CDH23: variants seen among roughly 807,000 people sequenced by gnomAD.
CDH23 encodes cadherin related 23.
A neutral mutation model predicts 317.1 loss-of-function variants in CDH23; 189 were observed. That is an observed-to-expected ratio of 0.60 (90% CI 0.53 to 0.67). CDH23 has a LOEUF of 0.67. CDH23 is among the 30% of genes least tolerant of loss of function. The probability of loss-of-function intolerance (pLI) is 0.00; values close to 1 mark genes in which losing one functional copy is unlikely to be tolerated. For missense variants in CDH23, 4,401 were observed against 4,592.4 expected, an observed-to-expected ratio of 0.96 and a Z score of 1.20; for synonymous variants, 1,839 against 1,876.8, an observed-to-expected ratio of 0.98 and a Z score of 0.52.
At chr10:71,662,107 C>A (rs534750565) in intron 14 of CDH23, among the ~76,000 whole-genome samples, 1 of 151,780 alleles carries the variant, frequency 6.6e-6, no homozygotes, top group African/African-American at 2.4e-5. Context: ...TAATTTCTTC[C>A]GGCAGCCTGG....
rs111033494 is a variant in CDH23 at position 71,793,524 on chromosome 10, T to A, written c.6596T>A (p.Ile2199Asn). The change falls in exon 48 of 70, where the codon ATT becomes AAT. Residue 2199 changes from isoleucine (I) to asparagine (N), a missense_variant. Transcript: ENST00000224721. ...PGTVIANITA[I>N]DHDLNPKLEY... ...ACTGTCATTGCCAATATCACGGCCATTGACCACGACCTCAACCCAAAGCTA... is the reference window on the plus strand; with the variant it reads ...ACTGTCATTGCCAATATCACGGCCAATGACCACGACCTCAACCCAAAGCTA... 988 of 1,613,894 alleles carry A rather than the reference T, an allele frequency of 6.1e-4. 2 individuals are homozygous for A. In the African/African-American group the frequency reaches 0.012, roughly 19 times the overall value.
chr10:71,532,045 G>C (rs1405788505), intron 6 of CDH23, among the ~76,000 whole-genome samples: 1 of 152,154 alleles, frequency 6.6e-6, no homozygotes, highest in Non-Finnish European at 1.5e-5. Context: ...CCCTCAGAGA[G>C]ACCCCAGAGC....
chr10:71,712,543 C>A, intron 27 of CDH23, 122 bp from the exon 28 acceptor site: 1 of 1,104,376 alleles, frequency 9.1e-7, no homozygotes, highest in Non-Finnish European at 1.3e-6. Context: ...CTTGCAAAGG[C>A]TAGGGCAGAT....
chr10:71,667,359 A>AGAGAGTGTGTGT (rs58361666), intron 14 of CDH23, among the ~76,000 whole-genome samples: 2 of 112,080 alleles, frequency 1.8e-5, no homozygotes, highest in Non-Finnish European at 3.5e-5. Context: ...AGAGAGAGAG[A>AGAGAGTGTGTGT]GTGTGTGTGT....
At chr10:71,730,704 G>C (rs372028551) in intron 31 of CDH23, 100 bp downstream of exon 31, 3 of 1,526,700 alleles carry the variant, frequency 2.0e-6, no homozygotes, top group East Asian at 2.4e-5. Flanking sequence ...GATGCTTCAG[G>C]CTCCCCATTT....
chr10:71,612,403 C>T (rs1050545041), intron 9 of CDH23, among the ~76,000 whole-genome samples: 2 of 151,754 alleles, frequency 1.3e-5, no homozygotes, highest in African/African-American at 2.4e-5. Flanking sequence ...TGTACGTGAA[C>T]GGGGCATAGG....
Position 71,810,063 on chromosome 10 carries a change from C to A in CDH23, c.8966C>A (p.Thr2989Asn), listed in dbSNP as rs368110124. ...LSNITGAIVN[T>N]DNVQFHVDKK... is the part of the protein sequence containing the mutation. Reference sequence around the variant, plus strand: ...AACATCACTGGGGCCATTGTCAATACTGACAATGTGCAGGTGCCTCATGGG... The same window carrying A: ...AACATCACTGGGGCCATTGTCAATAATGACAATGTGCAGGTGCCTCATGGG... The change falls in exon 61 of 70, where the codon ACT becomes AAT. Residue 2989 changes from threonine (T) to asparagine (N), a missense_variant. Transcript: ENST00000224721. 1 of 1,612,304 alleles carries A rather than the reference C, an allele frequency of 6.2e-7. No homozygotes were observed. The highest frequency in any genetic ancestry group is 1.3e-5 in the African/African-American group (1 of 75,062).
chr10:71,626,510 A>T (rs1274887257), intron 11 of CDH23, among the ~76,000 whole-genome samples: 1 of 152,180 alleles, frequency 6.6e-6, no homozygotes, highest in Non-Finnish European at 1.5e-5. Context: ...TGTACACCCC[A>T]GCATCTGCTC....
At chr10:71,557,425 G>T (rs1474973414) in intron 6 of CDH23, among the ~76,000 whole-genome samples, 1 of 152,146 alleles carries the variant, frequency 6.6e-6, no homozygotes, top group African/African-American at 2.4e-5. Context: ...GTGGTGTTCT[G>T]GAGGCTTGAT....
At chr10:71,600,227 C>T (rs1437608840) in intron 9 of CDH23, among the ~76,000 whole-genome samples, 1 of 152,054 alleles carries the variant, frequency 6.6e-6, no homozygotes, top group Non-Finnish European at 1.5e-5. Context: ...GTCTCAAACT[C>T]CTGACCTCAG....
At chr10:71,627,615 C>T (rs1158718209) in intron 11 of CDH23, among the ~76,000 whole-genome samples, 1 of 152,176 alleles carries the variant, frequency 6.6e-6, no homozygotes, top group East Asian at 1.9e-4. Context: ...GTACCAGTGC[C>T]CACCCCTCAC....
rs750085920 is a variant in CDH23 at position 71,510,131 on chromosome 10, G to A, written c.195G>A (p.Leu65=). 18 of 1,614,018 alleles carry A rather than the reference G, an allele frequency of 1.1e-5. No homozygotes were observed. The highest frequency in any genetic ancestry group is 1.5e-5 in the Non-Finnish European group (18 of 1,179,896). Residue 65 remains leucine (L), a synonymous_variant, in exon 4 of 70, where the codon CTG becomes CTA. Transcript: ENST00000224721. ...LLAQDMDNDP[L]VFGVSGEEAS... is the part of the protein sequence containing the mutation. ...CCCAAGACATGGACAATGACCCCCT[G>A]GTGTTTGGCGTGTCTGGGGAGGAGG...
At chr10:71,529,170 C>T (rs1270844619) in intron 6 of CDH23, among the ~76,000 whole-genome samples, 4 of 152,228 alleles carry the variant, frequency 2.6e-5, no homozygotes, top group African/African-American at 9.6e-5. Flanking sequence ...GGGCCTGAGA[C>T]TCTGTTTCCA....
intron 8 of CDH23, among the ~76,000 whole-genome samples, chr10:71,571,643 C>T (rs1387415883): frequency 1.3e-5 from 2 of 152,312 alleles, no homozygotes; most frequent in South Asian, 2.1e-4. Flanking sequence ...ACCATTCGTG[C>T]GTCTGTGCAA....
intron 6 of CDH23, among the ~76,000 whole-genome samples, chr10:71,527,767 G>C (rs999271887): frequency 6.6e-6 from 1 of 152,104 alleles, no homozygotes; most frequent in African/African-American, 2.4e-5. Flanking sequence ...AAATGGGGAC[G>C]ATCACAAACT....
At chr10:71,675,280 T>G in intron 15 of CDH23, 104 bp downstream of exon 15, 1 of 928,236 alleles carries the variant, frequency 1.1e-6, no homozygotes, top group Non-Finnish European at 1.7e-6. Flanking sequence ...AGGGAGGTGC[T>G]GGGTCCTGTG....
At chr10:71,402,933 G>A (rs1847852303) in intron 1 of CDH23, among the ~76,000 whole-genome samples, 2 of 152,174 alleles carry the variant, frequency 1.3e-5, no homozygotes, top group Admixed American at 6.5e-5. Flanking sequence ...TGGCTAACAC[G>A]GTGAAACCAC....
chr10:71,744,926 C>T (rs1410100937), intron 38 of CDH23, among the ~76,000 whole-genome samples: 1 of 152,260 alleles, frequency 6.6e-6, no homozygotes, highest in South Asian at 2.1e-4. Flanking sequence ...ATCCATCCAT[C>T]TTCAATTTTT....
chr10:71,811,701 GCTT>G lies in CDH23; in HGVS notation c.9279-9_9279-7del, dbSNP rs1841934174. On this transcript the variant is annotated splice_polypyrimidine_tract_variant and intron_variant, in intron 64 of 69. Transcript: ENST00000224721. ...TGGCCCCCCTCACCAGCCCCTCTCT[GCTT>G]CTCTCCAGACACAAGAGGAAGCTCA... 6.2e-7 allele frequency: 1 copy of G among 1,610,324 alleles called. No homozygotes were observed. The highest frequency in any genetic ancestry group is 1.3e-5 in the African/African-American group (1 of 74,968).
Sources: allele counts gnomAD v4.1 joint callset (sites outside exome capture counted in the v4.1 genomes callset), GRCh38; gene constraint gnomAD v4.1.1; transcripts MANE v1.5; gene names NCBI Gene and HGNC (gene_info 2026-07-23, HGNC 2026-07-21).